DOCK3: variants seen among roughly 807,000 people sequenced by gnomAD.
DOCK3 encodes the protein dedicator of cytokinesis protein 3.
Under a neutral mutation model 265.6 loss-of-function variants are expected in DOCK3, and 60 were observed. That is an observed-to-expected ratio of 0.23 (90% CI 0.18 to 0.28). The LOEUF is 0.28. Among genes scored for constraint, DOCK3 ranks in the 10% least tolerant of loss-of-function variants. DOCK3 has a pLI of 1.00. For missense variants in DOCK3, 1,981 were observed against 2,594.3 expected, an observed-to-expected ratio of 0.76 and a Z score of 5.14; for synonymous variants, 881 against 938.0, an observed-to-expected ratio of 0.94 and a Z score of 1.11.
intron 5 of DOCK3, among the ~76,000 whole-genome samples, chr3:50,977,977 C>G (rs1344693736): frequency 6.6e-6 from 1 of 152,152 alleles, no homozygotes; most frequent in Non-Finnish European, 1.5e-5. Flanking sequence ...GTTCTCGAGC[C>G]TTGGTTTTCA....
In DOCK3 at chr3:50,791,061, G is replaced by A. The variant is rs2042451183; in HGVS notation, c.121+12303G>A. 2.0e-5 allele frequency among the ~76,000 whole-genome samples: 3 copies of A among 152,030 alleles called. No individual in the cohort carries two copies. The South Asian group carries it at 6.2e-4, about 32-fold the overall frequency. On this transcript the variant is annotated intron_variant, in intron 2 of 52. Coordinates refer to ENST00000266037, the MANE Select transcript of DOCK3 (RefSeq NM_004947.5). Reference sequence around the variant, plus strand: ...AAATTTTTCTCCCATTCTGTAGGTTGTTTACTCTGTTGATAGTTTCTTTTG... The same window carrying A: ...AAATTTTTCTCCCATTCTGTAGGTTATTTACTCTGTTGATAGTTTCTTTTG...
chr3:50,944,756 C>G (rs1385232760), intron 5 of DOCK3, among the ~76,000 whole-genome samples: 1 of 152,006 alleles, frequency 6.6e-6, no homozygotes, highest in Non-Finnish European at 1.5e-5. Context: ...GCCAGATGTT[C>G]GAGACCAGCC....
intron 3 of DOCK3, 64 bp from the exon 4 acceptor site, chr3:50,889,962 T>G (rs1045313268): frequency 3.2e-5 from 40 of 1,250,520 alleles, no homozygotes; most frequent in Non-Finnish European, 3.8e-5. Flanking sequence ...TTGCTATTTT[T>G]GTATATATGA....
intron 5 of DOCK3, among the ~76,000 whole-genome samples, chr3:50,950,408 T>C (rs2076558973): frequency 1.3e-5 from 2 of 152,226 alleles, no homozygotes; most frequent in Non-Finnish European, 2.9e-5. Flanking sequence ...TGGGAAGATT[T>C]GCATTTGGTG....
At chr3:51,235,701 T>C (rs1162668892) in intron 19 of DOCK3, among the ~76,000 whole-genome samples, 1 of 152,198 alleles carries the variant, frequency 6.6e-6, no homozygotes, top group African/African-American at 2.4e-5. Flanking sequence ...AGGCTGCAAG[T>C]GTCCATCAAT....
intron 8 of DOCK3, among the ~76,000 whole-genome samples, chr3:51,089,555 G>A (rs1306657506): frequency 6.6e-6 from 1 of 152,146 alleles, no homozygotes; most frequent in East Asian, 1.9e-4. Flanking sequence ...CTATTACGAG[G>A]TAACAGTGTA....
At chr3:51,314,615 T>G (rs934562465) in intron 31 of DOCK3, among the ~76,000 whole-genome samples, 2 of 152,234 alleles carry the variant, frequency 1.3e-5, no homozygotes, top group Non-Finnish European at 2.9e-5. Context: ...GGGTTTTTCT[T>G]GTTAAATAAA....
At position 51,005,241 on chromosome 3, in the gene DOCK3, T is replaced by A. The variant is rs151294794; in HGVS notation, c.316-59207T>A. 3.6e-3 allele frequency among the ~76,000 whole-genome samples: 548 copies of A among 152,232 alleles called. 6 individuals are homozygous for A. The highest frequency in any genetic ancestry group is 0.013 in the African/African-American group (521 of 41,542). On this transcript the variant is annotated intron_variant, in intron 5 of 52. Coordinates refer to ENST00000266037, the MANE Select transcript of DOCK3 (RefSeq NM_004947.5). ...CCACCTCTAGAACACTGCGCTAAGGTGGGTTTTTTCTTCTGACTCACCAGT... is the reference window on the plus strand; with the variant it reads ...CCACCTCTAGAACACTGCGCTAAGGAGGGTTTTTTCTTCTGACTCACCAGT...
intron 3 of DOCK3, among the ~76,000 whole-genome samples, chr3:50,870,672 G>A (rs968095053): frequency 1.3e-5 from 2 of 151,828 alleles, no homozygotes; most frequent in Non-Finnish European, 2.9e-5. Flanking sequence ...TGGTTGTTTT[G>A]TTGTCTTCTC....
chr3:51,268,231 A>G (rs570341220), intron 23 of DOCK3, among the ~76,000 whole-genome samples: 3 of 152,300 alleles, frequency 2.0e-5, no homozygotes, highest in East Asian at 1.9e-4. Context: ...TATTAAAACT[A>G]CCTGACCAAT....
chr3:51,305,834 C>CTTTTTTTTTTTTTTT (rs761039681), intron 27 of DOCK3, among the ~76,000 whole-genome samples: 1 of 50,576 alleles, frequency 2.0e-5, no homozygotes, highest in Non-Finnish European at 3.2e-5. Context: ...ATTTCTTCTT[C>CTTTTTTTTTTTTTTT]TTTTTTTTTT....
At chr3:50,721,387 A>G (rs1307867924) in intron 1 of DOCK3, among the ~76,000 whole-genome samples, 1 of 152,176 alleles carries the variant, frequency 6.6e-6, no homozygotes, top group Non-Finnish European at 1.5e-5. Flanking sequence ...GGAAGGGTCT[A>G]GTTTCAGTCA....
chr3:51,318,361 A>T (rs927652379), intron 32 of DOCK3, among the ~76,000 whole-genome samples: 1 of 152,232 alleles, frequency 6.6e-6, no homozygotes, highest in Non-Finnish European at 1.5e-5. Context: ...TCTGGGCAAC[A>T]GAGCAAGACT....
chr3:51,270,124 C>T (rs1576607390), intron 23 of DOCK3, among the ~76,000 whole-genome samples: 1 of 152,194 alleles, frequency 6.6e-6, no homozygotes. Flanking sequence ...TGCACACTCC[C>T]ACTCCCCTTG....
At chr3:51,003,146 C>T (rs971296839) in intron 5 of DOCK3, among the ~76,000 whole-genome samples, 1 of 152,098 alleles carries the variant, frequency 6.6e-6, no homozygotes, top group Non-Finnish European at 1.5e-5. Context: ...TTTGCATTTT[C>T]CTATTGATTC....
intron 1 of DOCK3, among the ~76,000 whole-genome samples, chr3:50,746,846 G>A (rs1446123442): frequency 6.6e-6 from 1 of 151,980 alleles, no homozygotes; most frequent in East Asian, 1.9e-4. Context: ...ATTCATGAGA[G>A]ATCTGCCTGC....
At chr3:50,730,153 A>G (rs1489811461) in intron 1 of DOCK3, among the ~76,000 whole-genome samples, 1 of 151,766 alleles carries the variant, frequency 6.6e-6, no homozygotes, top group East Asian at 1.9e-4. Context: ...ATATATATTT[A>G]TTTTTTGAGA....
At chr3:51,259,062 T>A (rs2079707938) in intron 22 of DOCK3, among the ~76,000 whole-genome samples, 1 of 152,192 alleles carries the variant, frequency 6.6e-6, no homozygotes, top group African/African-American at 2.4e-5. Flanking sequence ...AAGTTCTTTA[T>A]AGACTAGGCA....
At chr3:50,979,489 T>C (rs1272205078) in intron 5 of DOCK3, among the ~76,000 whole-genome samples, 1 of 152,126 alleles carries the variant, frequency 6.6e-6, no homozygotes, top group Non-Finnish European at 1.5e-5. Flanking sequence ...GCTCTGGGTG[T>C]TAAAGAGTCT....
Sources: allele counts gnomAD v4.1 joint callset (sites outside exome capture counted in the v4.1 genomes callset), GRCh38; gene constraint gnomAD v4.1.1; transcripts MANE v1.5; gene names NCBI Gene and HGNC (gene_info 2026-07-23, HGNC 2026-07-21).